NIN: variants seen among roughly 807,000 people sequenced by gnomAD.
NIN encodes ninein.
NIN carries 137 observed loss-of-function variants against 257.6 expected under a neutral mutation model. The ratio of observed to expected loss-of-function variants is 0.53; its 90% confidence interval spans 0.46 to 0.61. The LOEUF is 0.61. Ranked by LOEUF, NIN falls within the 20% of genes least tolerant of loss-of-function variation. The probability of loss-of-function intolerance (pLI) is 0.00; values close to 1 mark genes in which losing one functional copy is unlikely to be tolerated. For synonymous variants in NIN, 918 were observed against 919.8 expected, an observed-to-expected ratio of 1.00 and a Z score of 0.04; for missense variants, 2,439 against 2,501.2, an observed-to-expected ratio of 0.98 and a Z score of 0.53.
At chr14:50,824,679 G>A (rs1281802536) in intron 2 of NIN, among the ~76,000 whole-genome samples, 1 of 152,152 alleles carries the variant, frequency 6.6e-6, no homozygotes, top group Admixed American at 6.5e-5. Flanking sequence ...CAGTCAGTCT[G>A]TTCTTCAAGC....
intron 22 of NIN, among the ~76,000 whole-genome samples, chr14:50,746,693 C>T (rs2041558517): frequency 6.6e-6 from 1 of 152,160 alleles, no homozygotes; most frequent in Non-Finnish European, 1.5e-5. Context: ...AATTTTCCTA[C>T]CATAAATCAA....
chr14:50,796,035 C>A (rs779978945), intron 4 of NIN, among the ~76,000 whole-genome samples: 6 of 152,196 alleles, frequency 3.9e-5, no homozygotes, highest in Non-Finnish European at 7.3e-5. Flanking sequence ...GTATAAATGA[C>A]TGCCATGCTT....
intron 2 of NIN, among the ~76,000 whole-genome samples, chr14:50,825,727 C>T (rs755355510): frequency 6.6e-6 from 1 of 152,210 alleles, no homozygotes; most frequent in African/African-American, 2.4e-5. Flanking sequence ...TGAAATGATG[C>T]CATTGGCAAA....
rs1197041361 is a variant in NIN, at chr14:50,761,341, G to A, written c.1896+449C>T. Among the ~76,000 whole-genome samples the A allele has an allele frequency of 2.6e-5, 4 of 152,122 alleles. No homozygotes were observed. In the East Asian group the frequency reaches 5.8e-4, roughly 22 times the overall value. ...CAAGCAAAAGAGGACAGAGTGTGAT[G>A]GACAACTAGGAACTACCCAATTTAG... On this transcript the variant is annotated intron_variant, in intron 16 of 30. Transcript: ENST00000530997.
intron 3 of NIN, among the ~76,000 whole-genome samples, chr14:50,810,099 C>T (rs576272170): frequency 0.011 from 1,687 of 151,886 alleles, 14 homozygotes; most frequent in Middle Eastern, 0.048. Context: ...GGCGTGGTGG[C>T]GGGCGCCTGT....
At chr14:50,759,711 G>A (rs1313494868) in intron 17 of NIN, 146 bp downstream of exon 17, 10 of 797,122 alleles carry the variant, frequency 1.3e-5, no homozygotes, top group Admixed American at 4.9e-5. Flanking sequence ...GCCAGGTCTC[G>A]ATCTCCTGAC....
At chr14:50,778,979 A>G (rs1174301008) in intron 5 of NIN, among the ~76,000 whole-genome samples, 175 bp from the exon 6 acceptor site, 1 of 152,202 alleles carries the variant, frequency 6.6e-6, no homozygotes, top group Non-Finnish European at 1.5e-5. Flanking sequence ...TAACCAGCCA[A>G]TCAGGACGAG....
intron 3 of NIN, among the ~76,000 whole-genome samples, chr14:50,817,053 C>T (rs1428273714): frequency 6.6e-6 from 1 of 152,192 alleles, no homozygotes. Flanking sequence ...GGAGTTCAGA[C>T]TTAGAGACTA....
intron 12 of NIN, 61 bp from the exon 13 acceptor site, chr14:50,766,951 TA>T (rs2042513117): frequency 9.2e-7 from 1 of 1,084,852 alleles, no homozygotes; most frequent in Non-Finnish European, 1.4e-6. Flanking sequence ...ACTGTGGTAC[TA>T]TTTTATATAC....
rs762957664 is a variant in NIN, at chr14:50,754,643, T to G, written c.4665-11A>C. The G allele has an allele frequency of 1.9e-6, 3 of 1,605,210 alleles. No homozygotes were observed. Among genetic ancestry groups the G allele is most frequent in the Non-Finnish European group, 2.6e-6 (3 of 1,176,406 alleles). On this transcript the variant is annotated splice_polypyrimidine_tract_variant and intron_variant, in intron 19 of 30. Coordinates refer to ENST00000530997, the MANE Select transcript of NIN (RefSeq NM_020921.4). The stretch of plus-strand genomic sequence containing the variant: ...GTTTCCGTTTTTTGCCTAAAAGGAA[T>G]GATGAAAATAAAATTTAATGGTTAG...
intron 28 of NIN, among the ~76,000 whole-genome samples, chr14:50,733,997 G>C (rs563647364): frequency 1.3e-5 from 2 of 152,002 alleles, no homozygotes; most frequent in South Asian, 2.1e-4. Context: ...ATCAATGCTT[G>C]GTGCTTGGTT....
chr14:50,807,831 T>C (rs2142216469), intron 3 of NIN, among the ~76,000 whole-genome samples: 1 of 152,374 alleles, frequency 6.6e-6, no homozygotes, highest in South Asian at 2.1e-4. Context: ...GAGGAATTCA[T>C]TTATATGTCA....
chr14:50,745,027 G>A (rs1431612876), intron 22 of NIN, among the ~76,000 whole-genome samples: 1 of 152,172 alleles, frequency 6.6e-6, no homozygotes, highest in Non-Finnish European at 1.5e-5. Context: ...CTTGTTCCCT[G>A]TACTCTTCCT....
chr14:50,778,674 G>T, intron 6 of NIN, 91 bp downstream of exon 6: 4 of 1,081,446 alleles, frequency 3.7e-6, no homozygotes, highest in Non-Finnish European at 4.3e-6. Context: ...AATTCCCCTG[G>T]CCTGCAGCAT....
intron 5 of NIN, among the ~76,000 whole-genome samples, chr14:50,783,520 T>C: frequency 6.6e-6 from 1 of 152,230 alleles, no homozygotes; most frequent in South Asian, 2.1e-4. Flanking sequence ...CAGTTAGAGA[T>C]GGGGCTTACC....
chr14:50,797,655 G>A (rs960569555), intron 4 of NIN, among the ~76,000 whole-genome samples: 3 of 152,088 alleles, frequency 2.0e-5, no homozygotes, highest in Non-Finnish European at 4.4e-5. Flanking sequence ...ATTACACAGT[G>A]AAAATGCAAA....
At chr14:50,763,500 T>C (rs1252223804) in intron 15 of NIN, among the ~76,000 whole-genome samples, 1 of 152,204 alleles carries the variant, frequency 6.6e-6, no homozygotes, top group Non-Finnish European at 1.5e-5. Flanking sequence ...GCTCAGTGTC[T>C]GAATTCTAAC....
intron 3 of NIN, among the ~76,000 whole-genome samples, chr14:50,817,818 C>A (rs1257334122): frequency 6.6e-6 from 1 of 152,088 alleles, no homozygotes; most frequent in African/African-American, 2.4e-5. Flanking sequence ...CGAGTTCAAG[C>A]AATTCTCCTG....
chr14:50,760,774 G>A (rs764402122), intron 16 of NIN, among the ~76,000 whole-genome samples: 127 of 152,224 alleles, frequency 8.3e-4, no homozygotes, highest in Admixed American at 1.3e-3. Flanking sequence ...CTGGGCTCAA[G>A]CAATCCTCCC....
Sources: allele counts gnomAD v4.1 joint callset (sites outside exome capture counted in the v4.1 genomes callset), GRCh38; gene constraint gnomAD v4.1.1; transcripts MANE v1.5; gene names NCBI Gene and HGNC (gene_info 2026-07-23, HGNC 2026-07-21).